MAML1: variants seen among roughly 807,000 people sequenced by gnomAD.
MAML1 encodes the protein mastermind like transcriptional coactivator 1.
MAML1 carries 14 observed loss-of-function variants against 77.1 expected under a neutral mutation model. The observed-to-expected ratio is 0.18, with a 90% CI of 0.12 to 0.28. The LOEUF (loss-of-function observed/expected upper bound fraction) is 0.28. Ranked by LOEUF, MAML1 falls within the 10% of genes least tolerant of loss-of-function variation. MAML1 has a pLI of 1.00. For missense variants in MAML1, 1,217 were observed against 1,327.8 expected, an observed-to-expected ratio of 0.92 and a Z score of 1.30; for synonymous variants, 516 against 551.9, an observed-to-expected ratio of 0.93 and a Z score of 0.91.
In MAML1 at chr5:179,769,677, C is replaced by T. The variant is rs1035196634; in HGVS notation, c.1971+588C>T. ...ATGCAATTCTCCTGCCTCAGCCTCC[C>T]GAGTAGCTGGGACTACAGGCAAGAA... is the stretch of plus-strand genomic sequence containing the variant. On this transcript the variant is annotated intron_variant, in intron 3 of 4. Transcript: ENST00000292599. This position sits in a 1 kb window ranked among gnomAD's most constrained non-coding sequence, Gnocchi z 4.2. Among the ~76,000 whole-genome samples, 1 of 152,030 alleles carries T rather than the reference C, an allele frequency of 6.6e-6. No individual in the cohort carries two copies. The highest frequency in any genetic ancestry group is 1.5e-5 in the Non-Finnish European group (1 of 68,008).
intron 4 of MAML1, among the ~76,000 whole-genome samples, chr5:179,772,977 G>A (rs147032019): frequency 3.2e-4 from 48 of 152,228 alleles, no homozygotes; most frequent in Non-Finnish European, 6.5e-4. Context: ...TGCAGCCTCC[G>A]CCTCCCGGAT....
At chr5:179,750,110 C>T (rs944237447) in intron 1 of MAML1, among the ~76,000 whole-genome samples, 7 of 152,242 alleles carry the variant, frequency 4.6e-5, no homozygotes, top group Non-Finnish European at 8.8e-5. Context: ...TGTGCACCTG[C>T]TCTCCGCTTT....
At chr5:179,753,157 T>A (rs574495421) in intron 1 of MAML1, among the ~76,000 whole-genome samples, 5 of 151,998 alleles carry the variant, frequency 3.3e-5, no homozygotes, top group Non-Finnish European at 5.9e-5. Flanking sequence ...TTCAGTTTGC[T>A]CACCTAAATC....
chr5:179,771,220 C>T lies in MAML1; in HGVS notation c.2045C>T (p.Pro682Leu). The change falls in exon 4 of 5, where the codon CCA (proline) becomes CTA (leucine). Residue 682 changes from proline (P) to leucine (L), a missense_variant. By Grantham distance (98) the Pro-to-Leu change is moderately conservative. Coordinates refer to ENST00000292599, the MANE Select transcript of MAML1 (RefSeq NM_014757.5). The surrounding 1 kb of genome is among the most constrained non-coding windows in gnomAD (Gnocchi z 4.7). ...CAAGACCCGACACAAGGCAGCTTCC[C>T]ACAGCAGGTTGGACAGTTCACAGGT... ...QYQDPTQGSF[P>L]QQVGQFTGSS... 1 of 1,614,152 alleles carries T rather than the reference C, an allele frequency of 6.2e-7. No individual in the cohort carries two copies. The highest frequency in any genetic ancestry group is 8.5e-7 in the Non-Finnish European group (1 of 1,180,010).
Position 179,766,478 on chromosome 5 carries a change from C to T in MAML1, c.1468C>T (p.Leu490=). ...PYLQPSHVNL[L]SHQPPSNLNQ... ...CCTCCAGCCCAGCCATGTGAACCTG[C>T]TGAGTCACCAGCCACCGAGTAACTT... Residue 490 remains leucine (L), a synonymous_variant, in exon 2 of 5, where the codon CTG becomes TTG. Coordinates refer to ENST00000292599, the MANE Select transcript of MAML1 (RefSeq NM_014757.5). The surrounding 1 kb of genome is among the most constrained non-coding windows in gnomAD (Gnocchi z 4.0). 6.2e-7 allele frequency: 1 copy of T among 1,609,460 alleles called. No individual in the cohort carries two copies. Among genetic ancestry groups the T allele is most frequent in the African/African-American group, 1.3e-5 (1 of 74,888 alleles).
At position 179,769,844 on chromosome 5, in the gene MAML1, C is replaced by T. The variant is rs372025576; in HGVS notation, c.1971+755C>T. Among the ~76,000 whole-genome samples, 19 of 152,230 alleles carry T rather than the reference C, an allele frequency of 1.2e-4. No individual in the cohort carries two copies. The highest frequency in any genetic ancestry group is 3.4e-3 in the Middle Eastern group (1 of 294). ...CTGAGATTACAGGCGTGAGCCACCA[C>T]GCCTGGCCTTAAATTACATCTTTAA... On this transcript the variant is annotated intron_variant, in intron 3 of 4. Coordinates refer to ENST00000292599, the MANE Select transcript of MAML1 (RefSeq NM_014757.5). This position sits in a 1 kb window ranked among gnomAD's most constrained non-coding sequence, Gnocchi z 4.2.
Position 179,753,664 on chromosome 5 carries a change from T to TA in MAML1, c.316-11662_316-11661insA, listed in dbSNP as rs1562560576. 9.4e-5 allele frequency among the ~76,000 whole-genome samples: 13 copies of TA among 138,584 alleles called. No homozygotes were observed. In the East Asian group the frequency reaches 1.9e-3, roughly 20 times the overall value. The allele number at this position is 138,584 out of a possible 152,430, so 90.9% of individuals were successfully genotyped here. A position where few individuals can be genotyped will look rare whatever the true frequency, so the allele number is the denominator to read the frequency against. ...TTTATTATTATTATTATTTTTTTTT[T>TA]TTTTTTTTTTTTTGAGGCAGAGTTT... On this transcript the variant is annotated intron_variant, in intron 1 of 4. Transcript: ENST00000292599.
In MAML1 at chr5:179,769,598, G is replaced by A. The variant is rs1245543154; in HGVS notation, c.1971+509G>A. Among the ~76,000 whole-genome samples, 1 of 152,030 alleles carries A rather than the reference G, an allele frequency of 6.6e-6. No individual in the cohort carries two copies. Among genetic ancestry groups the A allele is most frequent in the Non-Finnish European group, 1.5e-5 (1 of 68,012 alleles). Reference sequence around the variant, plus strand: ...GAGACAGAGTCTTGCTGTCACCCAGGCTGGACTGCAGTGGTGCGATCTTGG... The same window carrying A: ...GAGACAGAGTCTTGCTGTCACCCAGACTGGACTGCAGTGGTGCGATCTTGG... On this transcript the variant is annotated intron_variant, in intron 3 of 4. Transcript: ENST00000292599. The surrounding 1 kb of genome is among the most constrained non-coding windows in gnomAD (Gnocchi z 4.2).
At chr5:179,760,177 CATTT>C (rs1231395742) in intron 1 of MAML1, among the ~76,000 whole-genome samples, 3 of 152,084 alleles carry the variant, frequency 2.0e-5, no homozygotes, top group African/African-American at 7.2e-5. Flanking sequence ...TCAGATGGCA[CATTT>C]ATTCACAGAC....
In MAML1 at chr5:179,777,233, A is replaced by G; in HGVS notation, c.*2356A>G. ...TGGTATACACCAAAAAGAAATCTTT[A>G]CTTTCCTTGTTTTATCATTATAAAA... is the stretch of plus-strand genomic sequence containing the variant. On this transcript the variant is annotated 3_prime_UTR_variant, in exon 5 of 5. Coordinates refer to ENST00000292599, the MANE Select transcript of MAML1 (RefSeq NM_014757.5). 1.0e-6 allele frequency: 1 copy of G among 966,562 alleles called. No homozygotes were observed. Among genetic ancestry groups the G allele is most frequent in the Non-Finnish European group, 1.2e-6 (1 of 812,614 alleles). 59.9% of individuals were successfully genotyped at this position (966,562 alleles called of 1,614,324 possible).
chr5:179,735,944 C>T (rs1283708673), intron 1 of MAML1, among the ~76,000 whole-genome samples: 1 of 152,152 alleles, frequency 6.6e-6, no homozygotes, highest in Admixed American at 6.5e-5. Flanking sequence ...CCTCGGCCTC[C>T]CAAAGTGCTG....
chr5:179,759,032 C>T (rs1273778243), intron 1 of MAML1, among the ~76,000 whole-genome samples: 1 of 152,102 alleles, frequency 6.6e-6, no homozygotes, highest in African/African-American at 2.4e-5. Context: ...GTTTGTGGCG[C>T]TGGTATGTGG....
At chr5:179,753,184 A>AGT (rs59680995) in intron 1 of MAML1, among the ~76,000 whole-genome samples, 1,934 of 120,520 alleles carry the variant, frequency 0.016, 35 homozygotes, top group East Asian at 0.068. Context: ...GCTATTTTTT[A>AGT]GTGTGTGTGT....
chr5:179,752,218 CAA>C (rs1384979605), intron 1 of MAML1, among the ~76,000 whole-genome samples: 20 of 149,244 alleles, frequency 1.3e-4, no homozygotes, highest in Middle Eastern at 3.4e-3. Flanking sequence ...CCCAGCCACT[CAA>C]GAGGCTGAGG....
intron 1 of MAML1, among the ~76,000 whole-genome samples, chr5:179,755,809 T>C (rs1206867165): frequency 6.6e-6 from 1 of 151,276 alleles, no homozygotes; most frequent in Admixed American, 6.6e-5. Context: ...CTGTCACCCA[T>C]GCTTGAATGC....
chr5:179,772,446 G>A (rs778757015), intron 4 of MAML1, among the ~76,000 whole-genome samples: 2 of 152,134 alleles, frequency 1.3e-5, no homozygotes, highest in East Asian at 3.8e-4. Context: ...TGCTAGTAGA[G>A]AGGAAGAAGA....
At chr5:179,751,551 A>G (rs897280267) in intron 1 of MAML1, among the ~76,000 whole-genome samples, 3 of 152,062 alleles carry the variant, frequency 2.0e-5, no homozygotes, top group African/African-American at 7.2e-5. Flanking sequence ...CTAAAAATAC[A>G]AAAATTAGCC....
At chr5:179,772,836 CA>C (rs1167715959) in intron 4 of MAML1, among the ~76,000 whole-genome samples, 7 of 152,220 alleles carry the variant, frequency 4.6e-5, no homozygotes, top group Non-Finnish European at 8.8e-5. Flanking sequence ...AGCCTCTCCC[CA>C]GCATGGTCTC....
At chr5:179,741,453 G>A (rs1295306077) in intron 1 of MAML1, among the ~76,000 whole-genome samples, 1 of 152,160 alleles carries the variant, frequency 6.6e-6, no homozygotes, top group Non-Finnish European at 1.5e-5. Context: ...GAGAGGCTGA[G>A]GTGGGCGGAT....
Sources: allele counts gnomAD v4.1 joint callset (sites outside exome capture counted in the v4.1 genomes callset), GRCh38; gene constraint gnomAD v4.1.1; non-coding constraint Gnocchi (gnomAD v3.1); transcripts MANE v1.5; gene names NCBI Gene and HGNC (gene_info 2026-07-23, HGNC 2026-07-21).